The following RIMS3 variants were observed in gnomAD, a reference collection of about 807,000 sequenced individuals.
The protein encoded by RIMS3 is regulating synaptic membrane exocytosis protein 3.
Under a neutral mutation model 29.2 loss-of-function variants are expected in RIMS3, and 15 were observed. The observed-to-expected ratio is 0.51, with a 90% confidence interval of 0.34 to 0.79. The LOEUF (loss-of-function observed/expected upper bound fraction) is 0.79, where lower values mean the gene tolerates loss of function less well. RIMS3 is among the 30% of genes least tolerant of loss of function. The pLI, the probability that RIMS3 is intolerant of heterozygous loss-of-function variation, is 0.01. For synonymous variants in RIMS3, 161 were observed against 170.1 expected (o/e 0.95, Z 0.41); for missense variants, 342 against 421.4 (o/e 0.81, Z 1.65).
Position 40,621,287 on chromosome 1 carries a change from G to C in RIMS3, c.*5230C>G, listed in dbSNP as rs956752095. ...GACACTGACTTACTCAGGATGTAGC[G>C]GAGGTTGTGACATCACATCAGCACC... On this transcript the variant is annotated 3_prime_UTR_variant, in exon 8 of 8. Coordinates refer to ENST00000372684, the MANE Select transcript of RIMS3 (RefSeq NM_014747.3). 1 of 152,208 alleles carries C rather than the reference G, an allele frequency of 6.6e-6. No individual in the cohort carries two copies. Among genetic ancestry groups the C allele is most frequent in the Non-Finnish European group, 1.5e-5 (1 of 68,044 alleles). The allele number at this position is 152,208 out of a possible 1,614,324, so 9.4% of individuals were successfully genotyped here.
the RIMS3 span, among the ~76,000 whole-genome samples, chr1:40,675,170 G>A: frequency 6.6e-6 from 1 of 152,138 alleles, no homozygotes; most frequent in Non-Finnish European, 1.5e-5. Context: ...TTTGGAGGCT[G>A]AGGTGGGAGG....
chr1:40,680,974 G>A, the RIMS3 span, among the ~76,000 whole-genome samples: 1 of 152,166 alleles, frequency 6.6e-6, no homozygotes, highest in Admixed American at 6.5e-5. Flanking sequence ...CTGAGGGAAA[G>A]CCACAGTGTG....
intron 1 of RIMS3, among the ~76,000 whole-genome samples, chr1:40,648,442 C>G (rs1473579763): frequency 6.6e-6 from 1 of 152,206 alleles, no homozygotes; most frequent in Non-Finnish European, 1.5e-5. Flanking sequence ...AGTGCAAAAC[C>G]TAGATCTGCC....
upstream of RIMS3, among the ~76,000 whole-genome samples, chr1:40,666,152 AAG>A (rs150892882): frequency 4.3e-4 from 66 of 152,318 alleles, no homozygotes; most frequent in East Asian, 0.012. Context: ...GCCTGGTATG[AAG>A]AGAAAGACTT....
rs1646572531 is a variant in RIMS3 at position 40,643,369 on chromosome 1, G to A, written c.-31-1413C>T. Among the ~76,000 whole-genome samples, 3 of 152,084 alleles carry A rather than the reference G, an allele frequency of 2.0e-5. No individual in the cohort carries two copies. The South Asian group carries it at 6.2e-4, about 32-fold the overall frequency. ...GCTGGTCTCGAACTCCTGACCCCAG[G>A]TAATCTGCCTGCCACAGCCTTTCAA... On this transcript the variant is annotated intron_variant, in intron 2 of 7. Coordinates refer to ENST00000372684, the MANE Select transcript of RIMS3 (RefSeq NM_014747.3).
Position 40,633,177 on chromosome 1 carries a change from T to A in RIMS3, c.364A>T (p.Ile122Phe), listed in dbSNP as rs759856687. Reference protein sequence around the residue: ...TNSNSSDGTFIFPTTRLGAES... With the variant: ...TNSNSSDGTFFFPTTRLGAES... ...GCCCCTAGCCGGGTAGTGGGGAAGA[T>A]GAACCTGCAGGAGGAGGCAGAGGGA... Residue 122 changes from isoleucine to phenylalanine, a missense_variant, in exon 5 of 8, where the codon ATC becomes TTC. Ile to Phe is a conservative substitution (Grantham distance 21). Transcript: ENST00000372684. 17 of 1,613,770 alleles carry A rather than the reference T, an allele frequency of 1.1e-5. No individual in the cohort carries two copies. Among genetic ancestry groups the A allele is most frequent in the Non-Finnish European group, 1.4e-5 (17 of 1,179,678 alleles).
At position 40,626,584 on chromosome 1, in the gene RIMS3, A is replaced by G; in HGVS notation, c.860T>C (p.Leu287Pro). Residue 287 changes from leucine (L) to proline (P), a missense_variant, in exon 8 of 8, where the codon CTC (leucine) becomes CCC (proline). Physicochemically the swap from Leu to Pro is moderately conservative, Grantham distance 98 (BLOSUM62 -3). Transcript: ENST00000372684. Reference sequence around the variant, plus strand: ...GGACAGGCGCCTGGTGAGGGATCCGAGTGTGGAGTCTGCCACTGAGGAGGT... The same window carrying G: ...GGACAGGCGCCTGGTGAGGGATCCGGGTGTGGAGTCTGCCACTGAGGAGGT... ...FPTSSVADST[L>P]GSLTRRLSQS... 6.2e-7 allele frequency: 1 copy of G among 1,614,002 alleles called. No individual in the cohort carries two copies. The highest frequency in any genetic ancestry group is 2.2e-5 in the East Asian group (1 of 44,878).
intron 1 of RIMS3, among the ~76,000 whole-genome samples, chr1:40,652,227 G>A (rs10458576): frequency 0.29 from 43,910 of 152,044 alleles, 6,515 homozygotes; most frequent in Non-Finnish European, 0.3. Flanking sequence ...CTCCCCAAAC[G>A]GAAGCAAGAT....
chr1:40,667,168 C>T (rs1035001078), upstream of RIMS3, among the ~76,000 whole-genome samples: 8 of 152,182 alleles, frequency 5.3e-5, no homozygotes, highest in Non-Finnish European at 7.4e-5. Flanking sequence ...AACTGAGGCC[C>T]TACAATGTGA....
At chr1:40,642,386 T>G (rs560810470) in intron 2 of RIMS3, among the ~76,000 whole-genome samples, 4 of 152,328 alleles carry the variant, frequency 2.6e-5, no homozygotes, top group Admixed American at 2.6e-4. Flanking sequence ...CTGTCAGGCT[T>G]AGGGGAAATA....
At chr1:40,634,120 G>C (rs1411228583) in intron 4 of RIMS3, among the ~76,000 whole-genome samples, 2 of 152,104 alleles carry the variant, frequency 1.3e-5, no homozygotes, top group African/African-American at 4.8e-5. Context: ...ACCCTCAGGG[G>C]CTATGATAGA....
chr1:40,685,321 TTAATATATAATATA>T, the RIMS3 span, among the ~76,000 whole-genome samples: 28 of 18,036 alleles, frequency 1.6e-3, no homozygotes, highest in Admixed American at 2.3e-3. Context: ...TATATAATTA[TTAATATATAATATA>T]ATTATATTAT....
At chr1:40,668,481 G>A (rs1642452346), upstream of RIMS3, among the ~76,000 whole-genome samples, 1 of 109,122 alleles carries the variant, frequency 9.2e-6, no homozygotes, top group Non-Finnish European at 1.9e-5. Flanking sequence ...AGTTGGTAGG[G>A]GGTTGTGGGC....
At chr1:40,628,993 A>C (rs912506034) in intron 6 of RIMS3, 44 bp from the exon 7 acceptor site, 2 of 1,611,638 alleles carry the variant, frequency 1.2e-6, no homozygotes, top group Non-Finnish European at 1.7e-6. Flanking sequence ...TCCAGGACAG[A>C]CAGCTTTGGC....
At chr1:40,658,790 C>T (rs899275321) in intron 1 of RIMS3, among the ~76,000 whole-genome samples, 2 of 152,222 alleles carry the variant, frequency 1.3e-5, no homozygotes, top group African/African-American at 4.8e-5. Flanking sequence ...CTCCAGGTCC[C>T]GCCTTCCTGA....
intron 6 of RIMS3, 56 bp downstream of exon 6, chr1:40,629,215 C>T: frequency 6.9e-7 from 1 of 1,458,566 alleles, no homozygotes; most frequent in Admixed American, 1.7e-5. Context: ...CCTGCTAGAC[C>T]CAGAGCTCGG....
chr1:40,672,938 G>A, the RIMS3 span, among the ~76,000 whole-genome samples: 1 of 151,884 alleles, frequency 6.6e-6, no homozygotes, highest in South Asian at 2.1e-4. Flanking sequence ...CTGGCACTGT[G>A]GAAGGCCAAG....
Position 40,625,384 on chromosome 1 carries a change from G to T in RIMS3, c.*1133C>A, listed in dbSNP as rs1056806916. 1 of 152,662 alleles carries T rather than the reference G, an allele frequency of 6.6e-6. No individual in the cohort carries two copies. The highest frequency in any genetic ancestry group is 2.4e-5 in the African/African-American group (1 of 41,436). 9.5% of individuals were successfully genotyped at this position (152,662 alleles called of 1,614,324 possible). On this transcript the variant is annotated 3_prime_UTR_variant, in exon 8 of 8. Transcript: ENST00000372684. ...AGGCTGCTGGAGCCCAGCTAAGTCTGAGCTCCCAGACAGGGACCCTGGTCT... is the reference window on the plus strand; with the variant it reads ...AGGCTGCTGGAGCCCAGCTAAGTCTTAGCTCCCAGACAGGGACCCTGGTCT...
chr1:40,680,332 T>TG, the RIMS3 span, among the ~76,000 whole-genome samples: 8 of 137,716 alleles, frequency 5.8e-5, no homozygotes, highest in African/African-American at 1.9e-4. Context: ...AGTAAATAGT[T>TG]TTTTTTTTTT....
Sources: gnomAD v4.1 joint callset for allele counts (sites outside exome capture counted in the v4.1 genomes callset) on GRCh38, gnomAD v4.1.1 for gene constraint, MANE v1.5 for transcripts, NCBI Gene and HGNC (gene_info 2026-07-23, HGNC 2026-07-21) for gene names.